The following SYN2 variants were observed in gnomAD, a reference collection of about 807,000 sequenced individuals.
SYN2 encodes synapsin-2.
In SYN2, 19 loss-of-function variants were observed where a neutral mutation model predicts 50.9. The ratio of observed to expected loss-of-function variants is 0.37; its 90% confidence interval spans 0.26 to 0.55. The LOEUF is 0.55. Among genes scored for constraint, SYN2 ranks in the 20% least tolerant of loss-of-function variants. SYN2 has a pLI of 0.81. For synonymous variants in SYN2, 255 were observed against 224.9 expected (o/e 1.13, Z -1.20); for missense variants, 587 against 576.4 (o/e 1.02, Z -0.19).
intron 1 of SYN2, among the ~76,000 whole-genome samples, chr3:12,095,196 C>T (rs969330398): frequency 1.3e-5 from 2 of 151,878 alleles, no homozygotes; most frequent in Non-Finnish European, 2.9e-5. Flanking sequence ...CTTCAGCTCA[C>T]TACAGTCTGG....
At chr3:12,162,619 T>C (rs933365747) in intron 7 of SYN2, among the ~76,000 whole-genome samples, 2 of 152,250 alleles carry the variant, frequency 1.3e-5, no homozygotes, top group Non-Finnish European at 2.9e-5. Context: ...TGGGTAGCTC[T>C]GGGATCCCAT....
At chr3:12,097,219 C>T (rs151316005) in intron 1 of SYN2, among the ~76,000 whole-genome samples, 2,299 of 152,230 alleles carry the variant, frequency 0.015, 51 homozygotes, top group African/African-American at 0.052. Flanking sequence ...CACATGCACA[C>T]GTATGTTTAT....
chr3:12,075,393 C>A (rs769118228), intron 1 of SYN2, among the ~76,000 whole-genome samples: 5 of 152,102 alleles, frequency 3.3e-5, no homozygotes, highest in Admixed American at 6.6e-5. Flanking sequence ...AATGAGAAAT[C>A]TGTTATTCTA....
chr3:12,189,519 A>G (rs995781415), intron 12 of SYN2, among the ~76,000 whole-genome samples: 1 of 152,204 alleles, frequency 6.6e-6, no homozygotes, highest in African/African-American at 2.4e-5. Context: ...TTTTAAGAAC[A>G]GGGAAATTGC....
At chr3:12,005,273 A>G (rs1693772935) in intron 1 of SYN2, among the ~76,000 whole-genome samples, 1 of 152,142 alleles carries the variant, frequency 6.6e-6, no homozygotes, top group Admixed American at 6.5e-5. Context: ...TAGACACATA[A>G]AATCTGAAGT....
chr3:12,023,340 G>A (rs1017137992), intron 1 of SYN2, among the ~76,000 whole-genome samples: 1 of 152,036 alleles, frequency 6.6e-6, no homozygotes. Flanking sequence ...AGGTGAAATT[G>A]AAGTTTATAA....
intron 6 of SYN2, 170 bp downstream of exon 6, chr3:12,161,778 T>C: frequency 2.1e-6 from 2 of 972,690 alleles, no homozygotes; most frequent in South Asian, 3.1e-5. Context: ...CCTCTTTCAG[T>C]AAGCAGAATG....
intron 1 of SYN2, among the ~76,000 whole-genome samples, chr3:12,121,752 G>A (rs547914769): frequency 1.3e-4 from 19 of 151,374 alleles, no homozygotes; most frequent in African/African-American, 3.9e-4. Context: ...AAAGAAGGAA[G>A]GAGAGAGAAA....
At chr3:12,156,948 AC>A (rs776102792) in intron 5 of SYN2, 1 of 1,599,214 alleles carries the variant, frequency 6.3e-7, no homozygotes, top group Non-Finnish European at 8.6e-7. Flanking sequence ...ACAGGCAATT[AC>A]AAAAAAAGGC....
intron 1 of SYN2, among the ~76,000 whole-genome samples, chr3:12,010,146 C>T (rs186246254): frequency 2.0e-5 from 3 of 152,138 alleles, no homozygotes; most frequent in African/African-American, 7.2e-5. Context: ...GAGACCTAGT[C>T]GTCAAAATCC....
intron 1 of SYN2, among the ~76,000 whole-genome samples, chr3:12,136,685 A>G (rs1292441298): frequency 6.6e-6 from 1 of 152,192 alleles, no homozygotes; most frequent in Non-Finnish European, 1.5e-5. Context: ...TTGAGTAACA[A>G]GAGTTAAATC....
intron 1 of SYN2, among the ~76,000 whole-genome samples, chr3:12,066,647 A>G (rs1310428193): frequency 6.6e-6 from 1 of 152,124 alleles, no homozygotes; most frequent in Non-Finnish European, 1.5e-5. Context: ...ATCATGTAGG[A>G]TATGAAAAAA....
intron 1 of SYN2, among the ~76,000 whole-genome samples, chr3:12,007,668 C>T (rs1047472990): frequency 3.0e-4 from 46 of 152,242 alleles, no homozygotes; most frequent in African/African-American, 1.1e-3. Flanking sequence ...TTGGTCCCCT[C>T]TGAATTATAT....
rs150524142 is a variant in SYN2 at position 12,141,577 on chromosome 3, C to G, written c.436-328C>G. Among the ~76,000 whole-genome samples, 428 of 152,322 alleles carry G rather than the reference C, an allele frequency of 2.8e-3. 2 individuals carry two copies. The highest frequency in any genetic ancestry group is 9.9e-3 in the African/African-American group (410 of 41,570). On this transcript the variant is annotated intron_variant, in intron 2 of 12. Coordinates refer to ENST00000621198, the MANE Select transcript of SYN2 (RefSeq NM_133625.6). ...AAAGACATTTGTCTCAGTCCACATTCTCGCTCTGTAGAGAGGCAGCACAAA... is the reference window on the plus strand; with the variant it reads ...AAAGACATTTGTCTCAGTCCACATTGTCGCTCTGTAGAGAGGCAGCACAAA...
intron 8 of SYN2, 120 bp downstream of exon 8, chr3:12,167,428 C>A: frequency 1.0e-6 from 1 of 978,894 alleles, no homozygotes; most frequent in Non-Finnish European, 1.6e-6. Context: ...ACAGATAAAA[C>A]ACAAAAGGCC....
intron 1 of SYN2, among the ~76,000 whole-genome samples, chr3:12,120,146 A>G (rs557038682): frequency 5.2e-4 from 79 of 152,304 alleles, no homozygotes; most frequent in African/African-American, 1.8e-3. Context: ...CCACTAGTCT[A>G]GTTCAAATCC....
At chr3:12,128,657 A>G (rs1043559458) in intron 1 of SYN2, among the ~76,000 whole-genome samples, 6 of 152,222 alleles carry the variant, frequency 3.9e-5, no homozygotes, top group African/African-American at 1.4e-4. Context: ...AAGGTGGAAG[A>G]TGGTCCCATC....
rs2125227573 is a variant in SYN2, at chr3:12,154,039, TA to T, written c.774+2716del. On this transcript the variant is annotated intron_variant, in intron 5 of 12. Transcript: ENST00000621198. The stretch of plus-strand genomic sequence containing the variant: ...CATAAATATGTTTTGGAGACTAAAT[TA>T]AACATTTACAGTAAATTTACTATTA... 1.3e-5 allele frequency among the ~76,000 whole-genome samples: 2 copies of T among 152,306 alleles called. 1 individual carries two copies. Among genetic ancestry groups the T allele is most frequent in the Non-Finnish European group, 2.9e-5 (2 of 68,018 alleles).
At chr3:12,052,705 G>A (rs1694893466) in intron 1 of SYN2, among the ~76,000 whole-genome samples, 1 of 152,166 alleles carries the variant, frequency 6.6e-6, no homozygotes, top group East Asian at 1.9e-4. Context: ...TCAGGAGGTT[G>A]TTGTAATCAA....
Sources: allele counts gnomAD v4.1 joint callset (sites outside exome capture counted in the v4.1 genomes callset), GRCh38; gene constraint gnomAD v4.1.1; transcripts MANE v1.5; gene names NCBI Gene and HGNC (gene_info 2026-07-23, HGNC 2026-07-21).